The following NALCN variants were observed in gnomAD, a reference collection of about 807,000 sequenced individuals.
NALCN encodes sodium leak channel NALCN.
Under a neutral mutation model 225.3 loss-of-function variants are expected in NALCN, and 111 were observed. The ratio of observed to expected loss-of-function variants is 0.49; its 90% CI spans 0.42 to 0.58. NALCN has a LOEUF of 0.58. NALCN is among the 20% of genes least tolerant of loss of function. The pLI is 0.00. For synonymous variants in NALCN, 764 were observed against 769.0 expected, an observed-to-expected ratio of 0.99 and a Z score of 0.11; for missense variants, 1,378 against 2,202.4, an observed-to-expected ratio of 0.63 and a Z score of 7.49.
At chr13:101,149,554 G>A (rs1044716677) in intron 15 of NALCN, among the ~76,000 whole-genome samples, 1 of 152,178 alleles carries the variant, frequency 6.6e-6, no homozygotes, top group Non-Finnish European at 1.5e-5. Flanking sequence ...AGAACTCTTT[G>A]TAAATAAATG....
chr13:101,170,523 A>G (rs7333098), intron 15 of NALCN, among the ~76,000 whole-genome samples: 37,822 of 152,170 alleles, frequency 0.25, 5,455 homozygotes, highest in Non-Finnish European at 0.33. Flanking sequence ...AGTCAAGTTG[A>G]CACATAAAAT....
At chr13:101,195,807 G>A (rs886220730) in intron 13 of NALCN, among the ~76,000 whole-genome samples, 14 of 152,098 alleles carry the variant, frequency 9.2e-5, no homozygotes, top group Non-Finnish European at 1.8e-4. Context: ...ACCCCTTCCA[G>A]TGTGAGATGA....
chr13:101,385,979 T>G (rs912116996), intron 3 of NALCN, among the ~76,000 whole-genome samples: 5 of 152,188 alleles, frequency 3.3e-5, no homozygotes, highest in African/African-American at 1.2e-4. Flanking sequence ...CCATTTTTTT[T>G]TACAATTGAT....
chr13:101,379,954 CATA>C (rs59396129), intron 3 of NALCN, among the ~76,000 whole-genome samples: 26,133 of 151,942 alleles, frequency 0.17, 2,437 homozygotes, highest in East Asian at 0.33. Context: ...TACAGTTCTG[CATA>C]ATAATATTGG....
intron 14 of NALCN, among the ~76,000 whole-genome samples, chr13:101,185,148 G>T (rs148667847): frequency 5.8e-4 from 88 of 152,172 alleles, no homozygotes; most frequent in Non-Finnish European, 1.2e-3. Context: ...TTTTATATGG[G>T]TCAACAAAAA....
At position 101,095,614 on chromosome 13, in the gene NALCN, G is replaced by C. The variant is rs764421663; in HGVS notation, c.3229C>G (p.Pro1077Ala). 2 of 1,613,134 alleles carry C rather than the reference G, an allele frequency of 1.2e-6. No homozygotes were observed. The highest frequency in any genetic ancestry group is 1.7e-5 in the Admixed American group (1 of 59,920). Residue 1077 changes from proline (P) to alanine (A), a missense_variant, in exon 28 of 44, where the codon CCT becomes GCT. This residue lies in a region of NALCN where 292 missense variants were observed against 409.5 expected (regional missense o/e 0.71). Coordinates refer to ENST00000251127, the MANE Select transcript of NALCN (RefSeq NM_052867.4). The part of the protein sequence containing the change: ...VSKNLNLKLR[P>A]GEKKPGFWVP... ...CAAAATCCAGGTTTTTTCTCTCCAG[G>C]CCTCAATTTTAAATTTAAGTTCTTT...
At chr13:101,363,969 G>T (rs150476382) in intron 6 of NALCN, among the ~76,000 whole-genome samples, 2 of 152,120 alleles carry the variant, frequency 1.3e-5, no homozygotes, top group Non-Finnish European at 2.9e-5. Flanking sequence ...TGGCAAGTAG[G>T]TATATAAAAA....
rs374895977 is a variant in NALCN at position 101,160,064 on chromosome 13, A to C, written c.1840-15168T>G. On this transcript the variant is annotated intron_variant, in intron 15 of 43. Transcript: ENST00000251127. ...CTGCCTCCTGGGTTCAAGCGATTCTACTGCCTCAGCCTCCTGAGTAGCTGG... is the reference window on the plus strand; with the variant it reads ...CTGCCTCCTGGGTTCAAGCGATTCTCCTGCCTCAGCCTCCTGAGTAGCTGG... Among the ~76,000 whole-genome samples the C allele has an allele frequency of 1.6e-3, 250 of 151,978 alleles. 1 individual carries two copies. Among genetic ancestry groups the C allele is most frequent in the East Asian group, 9.3e-3 (48 of 5,152 alleles).
intron 14 of NALCN, among the ~76,000 whole-genome samples, chr13:101,179,105 C>T (rs922433097): frequency 3.3e-5 from 5 of 152,164 alleles, no homozygotes; most frequent in Non-Finnish European, 5.9e-5. Context: ...TGGTCTGATA[C>T]ATAAATACAA....
chr13:101,323,805 T>G (rs2044842027), intron 7 of NALCN, among the ~76,000 whole-genome samples: 1 of 152,232 alleles, frequency 6.6e-6, no homozygotes, highest in Non-Finnish European at 1.5e-5. Flanking sequence ...GTTATGCATT[T>G]ATGCAATCTC....
rs10687918 is a variant in NALCN, at chr13:101,121,835, A to AGC, written c.2192+2771_2192+2772dup. ...CGACAGCAAGGTTGGAGCCTAGGAG[A>AGC]GCGGAGTCCCTAGAGGCAGTAAAAA... is the stretch of plus-strand genomic sequence containing the variant. On this transcript the variant is annotated intron_variant, in intron 18 of 43. Transcript: ENST00000251127. 6.5e-3 allele frequency among the ~76,000 whole-genome samples: 987 copies of AGC among 152,204 alleles called. 8 individuals are homozygous for AGC. The highest frequency in any genetic ancestry group is 0.023 in the African/African-American group (937 of 41,532).
At chr13:101,297,725 T>C (rs1340449272) in intron 7 of NALCN, among the ~76,000 whole-genome samples, 1 of 152,230 alleles carries the variant, frequency 6.6e-6, no homozygotes, top group South Asian at 2.1e-4. Context: ...TGTTTTCTTA[T>C]CTGGTCCTTT....
chr13:101,406,436 C>G (rs2047626875), intron 1 of NALCN, among the ~76,000 whole-genome samples: 1 of 152,164 alleles, frequency 6.6e-6, no homozygotes. Context: ...ATGTGCCTGA[C>G]AGAACTATTG....
chr13:101,162,723 T>C (rs1054719737), intron 15 of NALCN, among the ~76,000 whole-genome samples: 3 of 152,202 alleles, frequency 2.0e-5, no homozygotes, highest in Admixed American at 6.5e-5. Context: ...TTATCATCCT[T>C]GCTGTTTTCA....
At chr13:101,143,252 A>T (rs577068293) in intron 16 of NALCN, 31 bp from the exon 17 acceptor site, 1 of 1,568,090 alleles carries the variant, frequency 6.4e-7, no homozygotes, top group Admixed American at 1.9e-5. Context: ...TGCATCAGGC[A>T]TTATTAGTGG....
chr13:101,394,805 T>G (rs9971968), intron 3 of NALCN, among the ~76,000 whole-genome samples: 37,016 of 151,912 alleles, frequency 0.24, 5,493 homozygotes, highest in East Asian at 0.44. Flanking sequence ...CTCTATCATG[T>G]GACTCTGATT....
intron 15 of NALCN, among the ~76,000 whole-genome samples, chr13:101,156,673 G>T (rs1465215237): frequency 6.6e-6 from 1 of 152,008 alleles, no homozygotes; most frequent in African/African-American, 2.4e-5. Context: ...TTCTCTGATG[G>T]TATGAACTCT....
chr13:101,255,631 G>A (rs1357770924), intron 11 of NALCN, among the ~76,000 whole-genome samples: 1 of 152,088 alleles, frequency 6.6e-6, no homozygotes, highest in Non-Finnish European at 1.5e-5. Flanking sequence ...TATTACTCTT[G>A]TATCATTCTT....
At chr13:101,190,229 C>T (rs902449548) in intron 14 of NALCN, among the ~76,000 whole-genome samples, 2 of 152,130 alleles carry the variant, frequency 1.3e-5, no homozygotes, top group East Asian at 3.9e-4. Flanking sequence ...AGGTTGATTA[C>T]TATAAAATAA....
Sources: gnomAD v4.1 joint callset for allele counts (sites outside exome capture counted in the v4.1 genomes callset) on GRCh38, gnomAD v4.1.1 for gene constraint, gnomAD v4.1.1 regional missense constraint, MANE v1.5 for transcripts, NCBI Gene and HGNC (gene_info 2026-07-23, HGNC 2026-07-21) for gene names.